DYNC2I1: variants seen among roughly 807,000 people sequenced by gnomAD.
DYNC2I1 encodes the protein cytoplasmic dynein 2 intermediate chain 1.
In DYNC2I1, 89 loss-of-function variants were observed where a neutral mutation model predicts 133.4. The observed-to-expected ratio is 0.67, with a 90% CI of 0.56 to 0.80. DYNC2I1 has a LOEUF of 0.80. Among genes scored for constraint, DYNC2I1 ranks in the 30% least tolerant of loss-of-function variants. DYNC2I1 has a pLI of 0.00. For missense variants in DYNC2I1, 1,291 were observed against 1,314.5 expected, an observed-to-expected ratio of 0.98 and a Z score of 0.28; for synonymous variants, 504 against 484.3, an observed-to-expected ratio of 1.04 and a Z score of -0.54.
chr7:158,942,387 G>A (rs1205498335), intron 24 of DYNC2I1, among the ~76,000 whole-genome samples: 2 of 152,232 alleles, frequency 1.3e-5, no homozygotes, highest in South Asian at 4.1e-4. Context: ...CCCACATCCC[G>A]GCCGGAGGCA....
chr7:158,849,532 T>C, the DYNC2I1 span, among the ~76,000 whole-genome samples: 1 of 152,186 alleles, frequency 6.6e-6, no homozygotes. Context: ...ACATGAGCGT[T>C]ATTGAGTGTT....
rs116197118 is a variant in DYNC2I1 at position 158,926,427 on chromosome 7, C to T, written c.2397C>T (p.Ile799=). The change falls in exon 19 of 25, where the codon ATC becomes ATT. Residue 799 remains isoleucine (I), a synonymous_variant. Transcript: ENST00000407559. The part of the protein sequence containing the change: ...QEEMSGLSFH[I]ASLDESGVLN... Reference sequence around the variant, plus strand: ...AAATGTCAGGTTTGTCCTTCCACATCGCTTCCTTGGATGAGAGTGGGGTTC... The same window carrying T: ...AAATGTCAGGTTTGTCCTTCCACATTGCTTCCTTGGATGAGAGTGGGGTTC... The T allele has an allele frequency of 2.7e-4, 434 of 1,613,438 alleles. No homozygotes were observed. The African/African-American group carries it at 5.1e-3, about 19-fold the overall frequency.
At chr7:158,892,699 A>T (rs1030800348) in intron 8 of DYNC2I1, among the ~76,000 whole-genome samples, 2 of 152,078 alleles carry the variant, frequency 1.3e-5, no homozygotes, top group East Asian at 3.9e-4. Flanking sequence ...TAATCCCAGC[A>T]CCTTGGGAGG....
intron 17 of DYNC2I1, among the ~76,000 whole-genome samples, chr7:158,925,372 TCTTG>T (rs1285636569): frequency 1.3e-5 from 2 of 152,232 alleles, no homozygotes; most frequent in East Asian, 3.8e-4. Context: ...CGGTGTTTTT[TCTTG>T]CTTGTTGTTT....
intron 9 of DYNC2I1, 95 bp from the exon 10 acceptor site, chr7:158,902,281 T>C: frequency 2.0e-6 from 2 of 1,025,082 alleles, no homozygotes; most frequent in Non-Finnish European, 2.9e-6. Flanking sequence ...ACATTGTCTG[T>C]TTTAAGTTAT....
intron 8 of DYNC2I1, among the ~76,000 whole-genome samples, 186 bp downstream of exon 8, chr7:158,891,519 C>T (rs905631471): frequency 4.6e-5 from 7 of 152,164 alleles, no homozygotes; most frequent in African/African-American, 1.2e-4. Context: ...TTGAAGTCCT[C>T]GGTCATGTTG....
intron 3 of DYNC2I1, among the ~76,000 whole-genome samples, chr7:158,871,929 A>G (rs1842925475): frequency 6.6e-6 from 1 of 152,194 alleles, no homozygotes; most frequent in Non-Finnish European, 1.5e-5. Flanking sequence ...GTTTTCACAA[A>G]TGTTTTATCT....
rs1299633294 is a variant in DYNC2I1, at chr7:158,896,763, G to A, written c.1060-4976G>A. Among the ~76,000 whole-genome samples the A allele has an allele frequency of 1.7e-4, 26 of 151,930 alleles. 1 individual carries two copies. The highest frequency in any genetic ancestry group is 1.7e-3 in the Admixed American group (26 of 15,262). On this transcript the variant is annotated intron_variant, in intron 8 of 24. Coordinates refer to ENST00000407559, the MANE Select transcript of DYNC2I1 (RefSeq NM_018051.5). ...GCTGGGATTACAGGTGTGAGCCACT[G>A]TGCCTGGCCCTATGTGATTCTTTGT...
intron 11 of DYNC2I1, among the ~76,000 whole-genome samples, chr7:158,911,191 A>G (rs1458758695): frequency 6.6e-6 from 1 of 152,224 alleles, no homozygotes; most frequent in East Asian, 1.9e-4. Context: ...TCAGTATGTC[A>G]GCTCCTGAAG....
chr7:158,916,405 G>A (rs879092874), intron 14 of DYNC2I1, among the ~76,000 whole-genome samples: 14 of 67,680 alleles, frequency 2.1e-4, no homozygotes, highest in Non-Finnish European at 3.8e-4. Flanking sequence ...GTGAAACGTC[G>A]ACACGCTGGT....
At chr7:158,877,935 C>G (rs964570437) in intron 4 of DYNC2I1, among the ~76,000 whole-genome samples, 13 of 152,216 alleles carry the variant, frequency 8.5e-5, no homozygotes, top group Admixed American at 7.9e-4. Context: ...AGGAGGGACC[C>G]CAGGGCTGGC....
intron 14 of DYNC2I1, among the ~76,000 whole-genome samples, chr7:158,917,980 A>G (rs1247110184): frequency 4.6e-5 from 7 of 151,572 alleles, no homozygotes; most frequent in Non-Finnish European, 8.8e-5. Context: ...CCTCACTCCC[A>G]TACGGTTGGC....
At position 158,922,507 on chromosome 7, in the gene DYNC2I1, G is replaced by T. The variant is rs754130259; in HGVS notation, c.2052G>T (p.Trp684Cys). 1 of 1,613,914 alleles carries T rather than the reference G, an allele frequency of 6.2e-7. No individual in the cohort carries two copies. The highest frequency in any genetic ancestry group is 8.5e-7 in the Non-Finnish European group (1 of 1,179,874). The change falls in exon 16 of 25, where the codon TGG (tryptophan) becomes TGT (cysteine). Residue 684 changes from tryptophan to cysteine, a missense_variant. By Grantham distance (215) the Trp-to-Cys change is radical (BLOSUM62 -2). Transcript: ENST00000407559. ...ACGTCCTCTGTGTGTGGGATATTTG[G>T]CAGCCTTCAGGGCCACAGAAAGTTC... ...SKYVLCVWDI[W>C]QPSGPQKVLI...
intron 14 of DYNC2I1, among the ~76,000 whole-genome samples, chr7:158,916,554 G>A (rs71547582): frequency 1.0e-4 from 5 of 48,404 alleles, no homozygotes; most frequent in Middle Eastern, 0.03. Flanking sequence ...ATTGTGAAAC[G>A]TCGACACGCT....
At chr7:158,947,146 C>A (rs769956037), downstream of DYNC2I1, among the ~76,000 whole-genome samples, 1 of 152,212 alleles carries the variant, frequency 6.6e-6, no homozygotes. Context: ...ATTTGTTCAT[C>A]TTCCGTCTGC....
At chr7:158,883,094 G>A (rs111479717) in intron 5 of DYNC2I1, among the ~76,000 whole-genome samples, 125 of 152,108 alleles carry the variant, frequency 8.2e-4, no homozygotes, top group African/African-American at 2.7e-3. Context: ...TGTGGTTACC[G>A]TAAAGTGCAA....
intron 1 of DYNC2I1, among the ~76,000 whole-genome samples, chr7:158,864,418 C>G (rs1031548019): frequency 5.9e-5 from 9 of 151,982 alleles, no homozygotes; most frequent in South Asian, 2.1e-4. Flanking sequence ...TCCTGAAGGT[C>G]CAGAATGGAT....
chr7:158,876,763 T>G, intron 4 of DYNC2I1, 72 bp downstream of exon 4: 2 of 1,465,914 alleles, frequency 1.4e-6, no homozygotes, highest in Non-Finnish European at 1.8e-6. Flanking sequence ...GCATTATTGT[T>G]GGAAGCATTT....
chr7:158,881,797 C>A (rs796092603), intron 5 of DYNC2I1, among the ~76,000 whole-genome samples: 8 of 152,258 alleles, frequency 5.3e-5, no homozygotes, highest in African/African-American at 1.9e-4. Flanking sequence ...AAAACTTCAT[C>A]ATTTTCTCCC....
Sources: gnomAD v4.1 joint callset for allele counts (sites outside exome capture counted in the v4.1 genomes callset) on GRCh38, gnomAD v4.1.1 for gene constraint, MANE v1.5 for transcripts, NCBI Gene and HGNC (gene_info 2026-07-23, HGNC 2026-07-21) for gene names.